PITPNB: variants seen among roughly 807,000 people sequenced by gnomAD.
PITPNB encodes the protein phosphatidylinositol transfer protein beta isoform.
In PITPNB, 16 loss-of-function variants were observed where a neutral mutation model predicts 45.9. The ratio of observed to expected loss-of-function variants is 0.35; its 90% CI spans 0.24 to 0.53. PITPNB has a LOEUF of 0.53. Among genes scored for constraint, PITPNB ranks in the 20% least tolerant of loss-of-function variants. The pLI is 0.93. For synonymous variants in PITPNB, 112 were observed against 108.9 expected, an observed-to-expected ratio of 1.03 and a Z score of -0.18; for missense variants, 188 against 330.5, an observed-to-expected ratio of 0.57 and a Z score of 3.34.
intron 7 of PITPNB, among the ~76,000 whole-genome samples, chr22:27,879,364 G>A (rs1934905944): frequency 6.6e-6 from 1 of 152,162 alleles, no homozygotes; most frequent in Non-Finnish European, 1.5e-5. Context: ...CTGTGCTCCA[G>A]GATAAGATGA....
intron 7 of PITPNB, among the ~76,000 whole-genome samples, chr22:27,886,959 T>C (rs1935139467): frequency 6.6e-6 from 1 of 152,214 alleles, no homozygotes; most frequent in African/African-American, 2.4e-5. Context: ...TAAATCAGAC[T>C]GAGACAAAAA....
intron 10 of PITPNB, among the ~76,000 whole-genome samples, chr22:27,856,719 C>T (rs1934184609): frequency 6.6e-6 from 1 of 152,212 alleles, no homozygotes; most frequent in African/African-American, 2.4e-5. Context: ...GCCAGTGCTG[C>T]ATCATGGGCT....
At chr22:27,872,100 T>G (rs1414452880) in intron 8 of PITPNB, among the ~76,000 whole-genome samples, 7 of 141,400 alleles carry the variant, frequency 5.0e-5, no homozygotes, top group East Asian at 2.1e-4. Flanking sequence ...TTTTTTTTTT[T>G]TTTTTTTTTT....
At chr22:27,882,390 C>T (rs927254505) in intron 7 of PITPNB, among the ~76,000 whole-genome samples, 21 of 152,158 alleles carry the variant, frequency 1.4e-4, no homozygotes, top group Admixed American at 9.8e-4. Context: ...CCAAAGGCAA[C>T]TGAAATTTCA....
At chr22:27,875,406 C>G (rs1934793285) in intron 7 of PITPNB, among the ~76,000 whole-genome samples, 3 of 152,234 alleles carry the variant, frequency 2.0e-5, no homozygotes, top group Non-Finnish European at 4.4e-5. Flanking sequence ...GCAGAAAGAT[C>G]AGTTACTGTC....
intron 10 of PITPNB, among the ~76,000 whole-genome samples, chr22:27,858,131 A>G (rs1333252074): frequency 6.6e-6 from 1 of 152,216 alleles, no homozygotes; most frequent in Non-Finnish European, 1.5e-5. Flanking sequence ...ATACAGAACC[A>G]TTAGATATTT....
chr22:27,909,823 C>A (rs71325266), intron 3 of PITPNB, among the ~76,000 whole-genome samples: 6 of 152,084 alleles, frequency 3.9e-5, no homozygotes, highest in African/African-American at 1.4e-4. Context: ...CTTGTTCTTT[C>A]GCCCAGGCTG....
At chr22:27,863,365 T>A (rs1240121013) in intron 8 of PITPNB, among the ~76,000 whole-genome samples, 27 of 152,324 alleles carry the variant, frequency 1.8e-4, no homozygotes, top group Non-Finnish European at 5.9e-5. Context: ...GGTCTAGGGC[T>A]GTAGGTGGTA....
At chr22:27,876,283 T>G (rs1934816796) in intron 7 of PITPNB, among the ~76,000 whole-genome samples, 1 of 152,192 alleles carries the variant, frequency 6.6e-6, no homozygotes, top group South Asian at 2.1e-4. Context: ...CAAAGTGGAT[T>G]TTCCTATGAA....
Position 27,880,900 on chromosome 22 carries a change from C to T in PITPNB, c.457-7085G>A, listed in dbSNP as rs148787891. ...CCTCCCAAACTGCTGGGATTACAGG[C>T]GTGAGCCACTGCACCCAGTTAATAA... On this transcript the variant is annotated intron_variant, in intron 7 of 11. Transcript: ENST00000335272. Among the ~76,000 whole-genome samples the T allele has an allele frequency of 2.2e-3, 337 of 152,272 alleles. 6 individuals are homozygous for T. The highest frequency in any genetic ancestry group is 0.02 in the Admixed American group (308 of 15,304).
rs561912904 is a variant in PITPNB, at chr22:27,895,071, T to G, written c.373-433A>C. Among the ~76,000 whole-genome samples, 8 of 152,330 alleles carry G rather than the reference T, an allele frequency of 5.3e-5. No homozygotes were observed. In the East Asian group the frequency reaches 1.4e-3, roughly 26 times the overall value. Reference sequence around the variant, plus strand: ...TATGGTCTAAAATCTCTCCAAAATTTGATTATCCTAAAGCTATTCAGTTTC... The same window carrying G: ...TATGGTCTAAAATCTCTCCAAAATTGGATTATCCTAAAGCTATTCAGTTTC... On this transcript the variant is annotated intron_variant, in intron 6 of 11. Transcript: ENST00000335272.
chr22:27,898,395 CTG>C, intron 3 of PITPNB, among the ~76,000 whole-genome samples: 1 of 150,892 alleles, frequency 6.6e-6, no homozygotes, highest in East Asian at 1.9e-4. Flanking sequence ...AAAAAATTAA[CTG>C]TATAAAAGGT....
At chr22:27,876,524 TGAA>T in intron 7 of PITPNB, among the ~76,000 whole-genome samples, 1 of 152,364 alleles carries the variant, frequency 6.6e-6, no homozygotes, top group East Asian at 1.9e-4. Flanking sequence ...AGTTTGAATA[TGAA>T]GAATACGTAA....
rs1934127341 is a variant in PITPNB, at chr22:27,854,881, AG to A, written c.*10del. On this transcript the variant is annotated 3_prime_UTR_variant, in exon 11 of 12. Transcript: ENST00000335272. ...AGTTTGACATTGTCTCTGACCCTAC[AG>A]GGGACTCATCTAGACATCAGCAGCC... The A allele has an allele frequency of 9.3e-6, 15 of 1,612,668 alleles. No individual in the cohort carries two copies. The highest frequency in any genetic ancestry group is 3.3e-5 in the South Asian group (3 of 91,044).
chr22:27,877,061 T>G (rs1310499153), intron 7 of PITPNB, among the ~76,000 whole-genome samples: 2 of 152,176 alleles, frequency 1.3e-5, no homozygotes, highest in Non-Finnish European at 2.9e-5. Flanking sequence ...CTGTAATCCT[T>G]GGGGAAAAAA....
chr22:27,894,687 A>G (rs759412410), intron 6 of PITPNB, 49 bp from the exon 7 acceptor site: 74 of 1,069,864 alleles, frequency 6.9e-5, no homozygotes, highest in Non-Finnish European at 1.0e-4. Context: ...AGATTATTCT[A>G]TTATGCTTAC....
At chr22:27,888,228 A>G (rs1935179661) in intron 7 of PITPNB, among the ~76,000 whole-genome samples, 1 of 152,246 alleles carries the variant, frequency 6.6e-6, no homozygotes, top group African/African-American at 2.4e-5. Context: ...ACTGAACTCC[A>G]TCACATGAGT....
At chr22:27,918,996 G>A (rs1936185438) in intron 1 of PITPNB, 176 bp downstream of exon 1, 2 of 891,506 alleles carry the variant, frequency 2.2e-6, no homozygotes, top group Admixed American at 1.8e-5. Flanking sequence ...TGCCTGGAGG[G>A]CCGAGGGGCG....
At chr22:27,897,993 G>A (rs1479663380) in intron 3 of PITPNB, 101 bp from the exon 4 acceptor site, 11 of 758,274 alleles carry the variant, frequency 1.5e-5, no homozygotes, top group African/African-American at 5.1e-5. Context: ...AGGTGACCAG[G>A]TTCTAAGTCT....
Sources: allele counts gnomAD v4.1 joint callset (sites outside exome capture counted in the v4.1 genomes callset), GRCh38; gene constraint gnomAD v4.1.1; transcripts MANE v1.5; gene names NCBI Gene and HGNC (gene_info 2026-07-23, HGNC 2026-07-21).